NOX4: variants seen among roughly 807,000 people sequenced by gnomAD.
NOX4 encodes kidney oxidase-1.
In NOX4, 69 loss-of-function variants were observed where a neutral mutation model predicts 87.6. The ratio of observed to expected loss-of-function variants is 0.79; its 90% confidence interval spans 0.65 to 0.96. NOX4 has a LOEUF of 0.96. Ranked by LOEUF, NOX4 falls within the 40% of genes least tolerant of loss-of-function variation. NOX4 has a pLI of 0.00. For missense variants in NOX4, 680 were observed against 681.5 expected, an observed-to-expected ratio of 1.00 and a Z score of 0.02; for synonymous variants, 275 against 238.2, an observed-to-expected ratio of 1.15 and a Z score of -1.42.
At chr11:89,367,949 T>C (rs1939131917) in intron 12 of NOX4, among the ~76,000 whole-genome samples, 1 of 152,068 alleles carries the variant, frequency 6.6e-6, no homozygotes, top group South Asian at 2.1e-4. Flanking sequence ...AGGCAAGTTC[T>C]ATATATCTCT....
intron 11 of NOX4, among the ~76,000 whole-genome samples, chr11:89,375,944 T>A (rs969130885): frequency 3.3e-5 from 5 of 152,218 alleles, no homozygotes; most frequent in African/African-American, 7.2e-5. Context: ...TGAGTTAATC[T>A]CATAATGCAT....
intron 11 of NOX4, among the ~76,000 whole-genome samples, chr11:89,399,048 A>C (rs1941666844): frequency 6.6e-6 from 1 of 151,878 alleles, no homozygotes; most frequent in African/African-American, 2.4e-5. Flanking sequence ...GTGGGGAAAA[A>C]TTTTTTTAAG....
At chr11:89,513,839 C>A in the NOX4 span, among the ~76,000 whole-genome samples, 1 of 152,114 alleles carries the variant, frequency 6.6e-6, no homozygotes, top group African/African-American at 2.4e-5. Context: ...AAATCCATGT[C>A]TCTTTCTACT....
At chr11:89,491,867 T>C (rs1371333670), upstream of NOX4, among the ~76,000 whole-genome samples, 1 of 152,016 alleles carries the variant, frequency 6.6e-6, no homozygotes, top group Non-Finnish European at 1.5e-5. Context: ...TTTTGTGTGC[T>C]AGTTCACGTT....
intron 13 of NOX4, among the ~76,000 whole-genome samples, chr11:89,343,641 G>A (rs1195779131): frequency 6.6e-6 from 1 of 152,080 alleles, no homozygotes; most frequent in East Asian, 1.9e-4. Context: ...GAAATACACT[G>A]CGTTTCACTT....
At chr11:89,507,066 C>T in the NOX4 span, among the ~76,000 whole-genome samples, 1 of 151,796 alleles carries the variant, frequency 6.6e-6, no homozygotes, top group Non-Finnish European at 1.5e-5. Flanking sequence ...CTGCATGATT[C>T]CATTTTTCAC....
At chr11:89,452,307 G>A (rs1944997143) in intron 2 of NOX4, among the ~76,000 whole-genome samples, 1 of 152,036 alleles carries the variant, frequency 6.6e-6, no homozygotes, top group African/African-American at 2.4e-5. Context: ...TTTTTCTCAT[G>A]TGTTCTCTCT....
intron 6 of NOX4, among the ~76,000 whole-genome samples, chr11:89,438,576 C>CTATATATAATATATAG (rs1565292594): frequency 3.7e-5 from 3 of 80,538 alleles, no homozygotes; most frequent in South Asian, 8.4e-4. Flanking sequence ...ATAATATATA[C>CTATATATAATATATAG]TATATATTAT....
chr11:89,427,447 C>T (rs182904221), intron 7 of NOX4, among the ~76,000 whole-genome samples: 3 of 152,166 alleles, frequency 2.0e-5, no homozygotes, highest in African/African-American at 7.2e-5. Context: ...GAAGTTCGAA[C>T]CCATTGCAAA....
chr11:89,506,546 C>T, the NOX4 span, among the ~76,000 whole-genome samples: 2 of 151,526 alleles, frequency 1.3e-5, no homozygotes, highest in Admixed American at 6.6e-5. Flanking sequence ...TAAAATATGA[C>T]ACCAAAATCA....
intron 12 of NOX4, among the ~76,000 whole-genome samples, chr11:89,358,866 A>C (rs1392737586): frequency 6.6e-6 from 1 of 152,060 alleles, no homozygotes; most frequent in Non-Finnish European, 1.5e-5. Context: ...AAAATGGCAC[A>C]GTTATCCAAA....
At chr11:89,549,514 ATGTTC>A in the NOX4 span, among the ~76,000 whole-genome samples, 8 of 152,182 alleles carry the variant, frequency 5.3e-5, no homozygotes, top group Non-Finnish European at 7.3e-5. Flanking sequence ...ATTATACTTT[ATGTTC>A]TGGGATACAT....
chr11:89,493,721 T>TTTTTTTTA (rs372046431), upstream of NOX4, among the ~76,000 whole-genome samples: 11 of 142,292 alleles, frequency 7.7e-5, no homozygotes, highest in African/African-American at 2.8e-4. Context: ...GCCAGATTGT[T>TTTTTTTTA]TTATTATTAT....
chr11:89,459,662 A>T (rs1945362743), intron 2 of NOX4, among the ~76,000 whole-genome samples: 1 of 152,106 alleles, frequency 6.6e-6, no homozygotes, highest in African/African-American at 2.4e-5. Flanking sequence ...ATAAAAGAGG[A>T]TACAAACAAA....
chr11:89,352,533 T>C (rs1170038150), intron 13 of NOX4, among the ~76,000 whole-genome samples: 1 of 152,194 alleles, frequency 6.6e-6, no homozygotes, highest in Non-Finnish European at 1.5e-5. Context: ...ACCTTCTAGA[T>C]GCTATTAAGA....
At chr11:89,589,067 A>G in the NOX4 span, among the ~76,000 whole-genome samples, 1 of 152,182 alleles carries the variant, frequency 6.6e-6, no homozygotes, top group Non-Finnish European at 1.5e-5. Context: ...GCCTGACTAC[A>G]GAAATTAGGA....
chr11:89,353,552 T>G (rs1340060627), intron 13 of NOX4, among the ~76,000 whole-genome samples: 1 of 152,146 alleles, frequency 6.6e-6, no homozygotes, highest in East Asian at 1.9e-4. Flanking sequence ...AGAATACTGT[T>G]AAAATTACTT....
intron 8 of NOX4, among the ~76,000 whole-genome samples, chr11:89,419,337 G>C (rs569432411): frequency 6.6e-6 from 1 of 151,930 alleles, no homozygotes; most frequent in Non-Finnish European, 1.5e-5. Flanking sequence ...AAGTTATCTA[G>C]GTATTTCAGA....
intron 11 of NOX4, among the ~76,000 whole-genome samples, chr11:89,397,032 A>G (rs1363443420): frequency 6.6e-6 from 1 of 152,152 alleles, no homozygotes; most frequent in Non-Finnish European, 1.5e-5. Context: ...TCAGCACCAC[A>G]TTACACTTAT....
Sources: allele counts gnomAD v4.1 joint callset (sites outside exome capture counted in the v4.1 genomes callset), GRCh38; gene constraint gnomAD v4.1.1; transcripts MANE v1.5; gene names NCBI Gene and HGNC (gene_info 2026-07-23, HGNC 2026-07-21).